GPHN: variants seen among roughly 807,000 people sequenced by gnomAD.
GPHN encodes gephyrin.
A neutral mutation model predicts 95.5 loss-of-function variants in GPHN; 17 were observed. The ratio of observed to expected loss-of-function variants is 0.18; its 90% CI spans 0.12 to 0.27. GPHN has a LOEUF of 0.27. Ranked by LOEUF, GPHN falls within the 10% of genes least tolerant of loss-of-function variation. The pLI is 1.00. For missense variants in GPHN, 660 were observed against 978.1 expected (o/e 0.67, Z 4.34); for synonymous variants, 320 against 322.5 (o/e 0.99, Z 0.08).
chr14:67,201,264 A>C, the GPHN span, among the ~76,000 whole-genome samples: 1 of 152,252 alleles, frequency 6.6e-6, no homozygotes, highest in Non-Finnish European at 1.5e-5. Flanking sequence ...ACTGCACTCC[A>C]GCCTGGATGA....
the GPHN span, among the ~76,000 whole-genome samples, chr14:67,421,622 G>GATGA: frequency 6.6e-6 from 1 of 152,140 alleles, no homozygotes; most frequent in African/African-American, 2.4e-5. Flanking sequence ...TGTCTGGATG[G>GATGA]ATGAATGAAG....
the GPHN span, among the ~76,000 whole-genome samples, chr14:67,499,933 G>A: frequency 6.6e-6 from 1 of 152,162 alleles, no homozygotes; most frequent in African/African-American, 2.4e-5. Flanking sequence ...GATTAAGGAG[G>A]GGAGTGGTCT....
the GPHN span, among the ~76,000 whole-genome samples, chr14:67,242,267 G>T: frequency 6.6e-6 from 1 of 152,218 alleles, no homozygotes; most frequent in South Asian, 2.1e-4. Context: ...GTTTTTCTTG[G>T]CAGTTTATGC....
chr14:67,500,534 G>A, the GPHN span, among the ~76,000 whole-genome samples: 4 of 150,744 alleles, frequency 2.7e-5, no homozygotes, highest in Non-Finnish European at 4.4e-5. Flanking sequence ...TTTATTGTGC[G>A]TTTCTGTGTT....
At chr14:66,685,686 A>C (rs888407620) in intron 2 of GPHN, among the ~76,000 whole-genome samples, 2 of 151,960 alleles carry the variant, frequency 1.3e-5, no homozygotes, top group Non-Finnish European at 2.9e-5. Context: ...ATTTTCTCCC[A>C]TTCTGTAGGT....
At chr14:67,638,582 C>G in the GPHN span, among the ~76,000 whole-genome samples, 1 of 152,116 alleles carries the variant, frequency 6.6e-6, no homozygotes, top group African/African-American at 2.4e-5. Flanking sequence ...CTCATTGTCC[C>G]AAGTCCTTAC....
chr14:66,598,525 G>T (rs947715660), intron 1 of GPHN, among the ~76,000 whole-genome samples: 4 of 152,050 alleles, frequency 2.6e-5, no homozygotes, highest in African/African-American at 7.2e-5. Flanking sequence ...CTCCACTTCT[G>T]TCCCTAAAAA....
chr14:67,426,934 G>C, the GPHN span, among the ~76,000 whole-genome samples: 1 of 152,184 alleles, frequency 6.6e-6, no homozygotes, highest in African/African-American at 2.4e-5. Flanking sequence ...CTCAGGGGCA[G>C]AGGAGTCAGA....
At chr14:66,546,097 G>A (rs1455326653) in intron 1 of GPHN, among the ~76,000 whole-genome samples, 1 of 151,302 alleles carries the variant, frequency 6.6e-6, no homozygotes, top group Non-Finnish European at 1.5e-5. Context: ...CAGACGGGGC[G>A]GCGGGGCAGA....
chr14:66,586,768 A>C (rs1386765912), intron 1 of GPHN, among the ~76,000 whole-genome samples: 2 of 152,170 alleles, frequency 1.3e-5, no homozygotes, highest in African/African-American at 4.8e-5. Context: ...TTCTAAGAGA[A>C]GTTTATAGCA....
chr14:66,995,252 C>T (rs2071707254), intron 9 of GPHN, among the ~76,000 whole-genome samples: 1 of 152,144 alleles, frequency 6.6e-6, no homozygotes, highest in Non-Finnish European at 1.5e-5. Flanking sequence ...ATTATCAGTT[C>T]AGCATCATAA....
rs530296029 is a variant in GPHN, at chr14:66,977,356, G to A, written c.963+12031G>A. Reference sequence around the variant, plus strand: ...TGAGGCAGGAGAATCACTTGAACCCGGGAGGCGGAGGTTGCAGTGAGCCAA... The same window carrying A: ...TGAGGCAGGAGAATCACTTGAACCCAGGAGGCGGAGGTTGCAGTGAGCCAA... On this transcript the variant is annotated intron_variant, in intron 9 of 22. Transcript: ENST00000478722. Among the ~76,000 whole-genome samples, 298 of 152,088 alleles carry A rather than the reference G, an allele frequency of 2.0e-3. 3 individuals carry two copies. Among genetic ancestry groups the A allele is most frequent in the African/African-American group, 7.0e-3 (289 of 41,488 alleles).
chr14:66,807,250 CTCCCACCAGG>C (rs1193538518), intron 3 of GPHN, among the ~76,000 whole-genome samples: 1 of 152,146 alleles, frequency 6.6e-6, no homozygotes, highest in Admixed American at 6.5e-5. Flanking sequence ...ATTCAATTAC[CTCCCACCAGG>C]TCCCTCCCAC....
chr14:66,948,353 T>A (rs1416634676), intron 8 of GPHN, among the ~76,000 whole-genome samples: 1 of 152,194 alleles, frequency 6.6e-6, no homozygotes, highest in African/African-American at 2.4e-5. Context: ...GATCTCTTGA[T>A]AGTCATACTT....
chr14:66,826,583 C>T (rs139955199), intron 4 of GPHN, among the ~76,000 whole-genome samples: 50 of 152,290 alleles, frequency 3.3e-4, no homozygotes, highest in Non-Finnish European at 6.2e-4. Flanking sequence ...CCGCGTCCCC[C>T]ACCCCACTCT....
chr14:67,642,788 A>ATTTTTTT, the GPHN span, among the ~76,000 whole-genome samples: 4 of 33,724 alleles, frequency 1.2e-4, no homozygotes, highest in Admixed American at 4.2e-4. Context: ...ATGTTACTAC[A>ATTTTTTT]TTTTCTTTTT....
At chr14:66,692,290 A>G (rs112757970) in intron 2 of GPHN, among the ~76,000 whole-genome samples, 77 of 152,278 alleles carry the variant, frequency 5.1e-4, no homozygotes, top group African/African-American at 1.6e-3. Flanking sequence ...TGCTCTGGTC[A>G]TTAGGTATAA....
intron 2 of GPHN, among the ~76,000 whole-genome samples, chr14:66,697,197 T>G (rs748881599): frequency 6.6e-6 from 1 of 152,224 alleles, no homozygotes; most frequent in Non-Finnish European, 1.5e-5. Flanking sequence ...TTAATCTACT[T>G]AAATATTAGT....
At chr14:67,327,956 T>C in the GPHN span, among the ~76,000 whole-genome samples, 7 of 152,360 alleles carry the variant, frequency 4.6e-5, no homozygotes, top group South Asian at 1.5e-3. Context: ...TGTGCATGTG[T>C]CTTTATAGCA....
Sources: gnomAD v4.1 joint callset for allele counts (sites outside exome capture counted in the v4.1 genomes callset) on GRCh38, gnomAD v4.1.1 for gene constraint, MANE v1.5 for transcripts, NCBI Gene and HGNC (gene_info 2026-07-23, HGNC 2026-07-21) for gene names.